The following KAZN variants were observed in gnomAD, a reference collection of about 807,000 sequenced individuals.
The protein encoded by KAZN is kazrin, periplakin interacting protein, also known as kazrin.
KAZN carries 40 observed loss-of-function variants against 87.4 expected under a neutral mutation model. The observed-to-expected ratio is 0.46, with a 90% CI of 0.36 to 0.60. The LOEUF (loss-of-function observed/expected upper bound fraction) is 0.60, where lower values mean the gene tolerates loss of function less well. KAZN is among the 20% of genes least tolerant of loss of function. The pLI is 0.00. For synonymous variants in KAZN, 466 were observed against 458.3 expected (o/e 1.02, Z -0.22); for missense variants, 898 against 1,073.9 (o/e 0.84, Z 2.29).
intron 1 of KAZN, among the ~76,000 whole-genome samples, chr1:14,649,582 G>T (rs192885939): frequency 6.6e-6 from 1 of 152,314 alleles, no homozygotes; most frequent in African/African-American, 2.4e-5. Flanking sequence ...AGGTCTGAGG[G>T]TTTGCCTGCT....
intron 2 of KAZN, among the ~76,000 whole-genome samples, chr1:14,316,920 A>G (rs563444018): frequency 5.3e-5 from 8 of 151,888 alleles, no homozygotes; most frequent in African/African-American, 1.9e-4. Context: ...ATTTTTTTCA[A>G]TTTATTGAAA....
intron 2 of KAZN, among the ~76,000 whole-genome samples, chr1:14,207,697 C>G (rs1411736078): frequency 6.6e-6 from 1 of 152,156 alleles, no homozygotes; most frequent in African/African-American, 2.4e-5. Context: ...TCATCTGTAT[C>G]CTGGCCATTT....
chr1:14,589,403 G>C (rs1676055830), intron 2 of KAZN, among the ~76,000 whole-genome samples: 1 of 151,698 alleles, frequency 6.6e-6, no homozygotes. Flanking sequence ...GCTGGCTATA[G>C]ACACAGCATC....
chr1:14,679,143 G>A (rs72866817), intron 1 of KAZN, among the ~76,000 whole-genome samples: 7 of 152,284 alleles, frequency 4.6e-5, no homozygotes, highest in South Asian at 2.1e-4. Context: ...GACAATTACC[G>A]TTGAAAATAT....
Position 14,155,636 on chromosome 1 carries a change from TTTCTTC to T in KAZN, c.92-24778_92-24773del, listed in dbSNP as rs369190328. 5.6e-3 allele frequency among the ~76,000 whole-genome samples: 851 copies of T among 151,556 alleles called. 6 individuals carry two copies. Among genetic ancestry groups the T allele is most frequent in the South Asian group, 0.017 (81 of 4,810 alleles). ...TGCACTGTTAAGTTTATTTGGTATT[TTTCTTC>T]TTCTTCTTCTTCTTCTTCTTTTTTT... On this transcript the variant is annotated intron_variant, in intron 1 of 16. Coordinates refer to the KAZN transcript ENST00000636203.
chr1:14,345,411 T>G (rs1658034443), intron 2 of KAZN, among the ~76,000 whole-genome samples: 1 of 152,206 alleles, frequency 6.6e-6, no homozygotes, highest in South Asian at 2.1e-4. Context: ...ATTTAAAAAT[T>G]TCCAGTAGCC....
At chr1:14,544,797 T>G (rs1673040268) in intron 2 of KAZN, among the ~76,000 whole-genome samples, 1 of 150,866 alleles carries the variant, frequency 6.6e-6, no homozygotes, top group Non-Finnish European at 1.5e-5. Context: ...CTCAAACTCC[T>G]GGGCTTGAGT....
chr1:14,207,622 A>G (rs1646771587), intron 2 of KAZN, among the ~76,000 whole-genome samples: 1 of 152,168 alleles, frequency 6.6e-6, no homozygotes, highest in Admixed American at 6.5e-5. Flanking sequence ...TTAAAATGTT[A>G]TCTTGATTAC....
intron 1 of KAZN, among the ~76,000 whole-genome samples, chr1:14,095,353 G>T (rs1644104324): frequency 6.6e-6 from 1 of 152,084 alleles, no homozygotes; most frequent in Admixed American, 6.6e-5. Context: ...AGCCTGTATA[G>T]GCTGAATTCA....
At chr1:14,551,940 G>A (rs533382862) in intron 2 of KAZN, among the ~76,000 whole-genome samples, 3 of 152,060 alleles carry the variant, frequency 2.0e-5, no homozygotes, top group Non-Finnish European at 4.4e-5. Flanking sequence ...ACTCATTACC[G>A]TCAGAGATCA....
chr1:14,947,380 G>A (rs1661944184), intron 1 of KAZN, among the ~76,000 whole-genome samples: 1 of 152,180 alleles, frequency 6.6e-6, no homozygotes, highest in African/African-American at 2.4e-5. Context: ...CCCTCCCCTG[G>A]GTACCTCCCT....
At chr1:14,515,482 A>G (rs1361186495) in intron 2 of KAZN, among the ~76,000 whole-genome samples, 1 of 152,172 alleles carries the variant, frequency 6.6e-6, no homozygotes, top group Non-Finnish European at 1.5e-5. Flanking sequence ...GCCCATAAAC[A>G]AAGCACTTGG....
chr1:14,369,841 G>C (rs921079669), intron 2 of KAZN, among the ~76,000 whole-genome samples: 19 of 152,190 alleles, frequency 1.2e-4, no homozygotes, highest in African/African-American at 4.6e-4. Flanking sequence ...AAAGAAGCAA[G>C]CCATTGTTAC....
At chr1:14,624,776 A>C (rs1044178954) in intron 1 of KAZN, among the ~76,000 whole-genome samples, 1 of 152,182 alleles carries the variant, frequency 6.6e-6, no homozygotes, top group Non-Finnish European at 1.5e-5. Context: ...GTTTATACTC[A>C]AATGTTGGAG....
At chr1:14,408,007 CAA>C (rs1162430778) in intron 2 of KAZN, among the ~76,000 whole-genome samples, 1 of 152,204 alleles carries the variant, frequency 6.6e-6, no homozygotes, top group Non-Finnish European at 1.5e-5. Context: ...GGGAACTGGG[CAA>C]AGTGACTGAC....
intron 1 of KAZN, among the ~76,000 whole-genome samples, chr1:14,796,257 T>A (rs1246961598): frequency 6.6e-6 from 1 of 152,156 alleles, no homozygotes; most frequent in East Asian, 1.9e-4. Context: ...CTGGGCATGG[T>A]CCTCTCAGGC....
At chr1:14,707,582 C>T (rs1287064673) in intron 1 of KAZN, among the ~76,000 whole-genome samples, 1 of 152,180 alleles carries the variant, frequency 6.6e-6, no homozygotes. Flanking sequence ...CTCTCCAGCT[C>T]ACCCTGTAAT....
At chr1:14,372,426 C>A (rs1001046711) in intron 2 of KAZN, among the ~76,000 whole-genome samples, 1 of 152,162 alleles carries the variant, frequency 6.6e-6, no homozygotes, top group East Asian at 1.9e-4. Context: ...TAGTGACAGG[C>A]ATTTGGGCCA....
chr1:14,679,284 C>CTT lies in KAZN; in HGVS notation c.226+80071_226+80072dup, dbSNP rs540616636. Among the ~76,000 whole-genome samples the CTT allele has an allele frequency of 3.2e-3, 469 of 144,658 alleles. 1 individual carries two copies. The highest frequency in any genetic ancestry group is 0.011 in the African/African-American group (453 of 39,766). 94.9% of individuals were successfully genotyped at this position (144,658 alleles called of 152,430 possible). ...GCCTGGGCCAGAGCTTTTGTTGGGTCTTTTTTTTTTTGGAAGGAATAGGCA... is the reference window on the plus strand; with the variant it reads ...GCCTGGGCCAGAGCTTTTGTTGGGTCTTTTTTTTTTTTTGGAAGGAATAGGCA... On this transcript the variant is annotated intron_variant, in intron 1 of 14. Coordinates refer to ENST00000376030, the MANE Select transcript of KAZN (RefSeq NM_201628.3).
Sources: gnomAD v4.1 joint callset for allele counts (sites outside exome capture counted in the v4.1 genomes callset) on GRCh38, gnomAD v4.1.1 for gene constraint, MANE v1.5 for transcripts, NCBI Gene and HGNC (gene_info 2026-07-23, HGNC 2026-07-21) for gene names.